The following CSMD1 variants were observed in gnomAD, a reference collection of about 807,000 sequenced individuals.
CSMD1 encodes the protein CUB and Sushi multiple domains 1, also known as CUB and sushi domain-containing protein 1.
A neutral mutation model predicts 417.5 loss-of-function variants in CSMD1; 213 were observed. That is an observed-to-expected ratio of 0.51 (90% CI 0.46 to 0.57). CSMD1 has a LOEUF of 0.57. Ranked by LOEUF, CSMD1 falls within the 20% of genes least tolerant of loss-of-function variation. CSMD1 has a pLI of 0.00. For synonymous variants in CSMD1, 2,862 were observed against 1,736.8 expected (o/e 1.65, Z -16.11); for missense variants, 6,923 against 4,529.7 (o/e 1.53, Z -15.17).
chr8:4,398,686 C>G (rs911322296), intron 3 of CSMD1, among the ~76,000 whole-genome samples: 1 of 152,132 alleles, frequency 6.6e-6, no homozygotes. Flanking sequence ...TGAGCCATCA[C>G]ACCCGGCCAC....
intron 8 of CSMD1, among the ~76,000 whole-genome samples, chr8:3,608,235 C>A (rs1370771413): frequency 6.6e-6 from 1 of 151,486 alleles, no homozygotes; most frequent in Non-Finnish European, 1.5e-5. Flanking sequence ...GCAGGTGCCA[C>A]CTGCAGAGGA....
chr8:3,882,254 A>C (rs369534150), intron 5 of CSMD1, among the ~76,000 whole-genome samples: 3 of 152,306 alleles, frequency 2.0e-5, no homozygotes, highest in African/African-American at 7.2e-5. Context: ...ACTGACACTT[A>C]TTAGAAAAAG....
chr8:3,101,434 T>A (rs74914363), intron 46 of CSMD1, among the ~76,000 whole-genome samples: 6,342 of 152,312 alleles, frequency 0.042, 155 homozygotes, highest in Admixed American at 0.072. Flanking sequence ...CTGACTACTT[T>A]TTTTTTGAGA....
intron 1 of CSMD1, among the ~76,000 whole-genome samples, chr8:4,923,549 C>A (rs561728072): frequency 6.6e-6 from 1 of 151,614 alleles, no homozygotes; most frequent in East Asian, 1.9e-4. Flanking sequence ...TACTATGTGC[C>A]CACATAACTT....
chr8:3,348,048 T>C lies in CSMD1; in HGVS notation c.3418A>G (p.Lys1140Glu). The C allele has an allele frequency of 6.2e-7, 1 of 1,611,130 alleles. No individual in the cohort carries two copies. The highest frequency in any genetic ancestry group is 8.5e-7 in the Non-Finnish European group (1 of 1,178,534). ...CIYKIETEAG[K>E]GIHLRTRSFQ... The stretch of plus-strand genomic sequence containing the variant: ...CTTCGTGTTCTAAGGTGGATGCCCT[T>C]GCCGGCTTCTGTTTCTATTTTATAG... Residue 1140 changes from lysine (K) to glutamate (E), a missense_variant, in exon 22 of 70, where the codon AAG becomes GAG. Transcript: ENST00000635120.
intron 3 of CSMD1, among the ~76,000 whole-genome samples, chr8:4,080,143 G>C (rs1051661032): frequency 6.6e-6 from 1 of 151,898 alleles, no homozygotes; most frequent in Non-Finnish European, 1.5e-5. Flanking sequence ...CACCTGCTCA[G>C]TTTGCAATTT....
intron 1 of CSMD1, among the ~76,000 whole-genome samples, chr8:4,770,321 T>C (rs999963028): frequency 6.7e-6 from 1 of 148,320 alleles, no homozygotes; most frequent in African/African-American, 2.4e-5. Flanking sequence ...AGCAACTATA[T>C]ATGTACATAG....
intron 7 of CSMD1, among the ~76,000 whole-genome samples, chr8:3,640,343 T>C (rs954336447): frequency 6.6e-6 from 1 of 152,212 alleles, no homozygotes; most frequent in Non-Finnish European, 1.5e-5. Context: ...TAATTAAATA[T>C]CCATTTGTAG....
intron 5 of CSMD1, among the ~76,000 whole-genome samples, chr8:3,930,790 G>A (rs1409430707): frequency 6.6e-6 from 1 of 150,460 alleles, no homozygotes; most frequent in Non-Finnish European, 1.5e-5. Flanking sequence ...TTTCTAACAT[G>A]TACAAGGGTC....
intron 6 of CSMD1, among the ~76,000 whole-genome samples, chr8:3,753,288 G>A (rs1295109989): frequency 2.6e-5 from 4 of 152,074 alleles, no homozygotes; most frequent in Non-Finnish European, 5.9e-5. Flanking sequence ...AAACTGAATA[G>A]TTTTTTGCTG....
chr8:3,646,511 G>C (rs988126981), intron 7 of CSMD1, among the ~76,000 whole-genome samples: 2 of 152,122 alleles, frequency 1.3e-5, no homozygotes, highest in Non-Finnish European at 1.5e-5. Context: ...AAATCTGGCG[G>C]TGTCATCTGT....
intron 3 of CSMD1, among the ~76,000 whole-genome samples, chr8:4,146,191 CA>C (rs1254841201): frequency 1.3e-5 from 2 of 150,664 alleles, no homozygotes; most frequent in East Asian, 1.9e-4. Context: ...AGTCGATTCT[CA>C]AAAAAAGGGT....
At chr8:3,290,153 T>A in intron 25 of CSMD1, among the ~76,000 whole-genome samples, 1 of 146,814 alleles carries the variant, frequency 6.8e-6, no homozygotes, top group East Asian at 2.0e-4. Context: ...GCAGCATTAT[T>A]TCTGAGGGCT....
intron 1 of CSMD1, among the ~76,000 whole-genome samples, chr8:4,766,886 T>G (rs1812502326): frequency 6.6e-6 from 1 of 152,206 alleles, no homozygotes; most frequent in Non-Finnish European, 1.5e-5. Context: ...AATCTTATGT[T>G]GATATTTTCC....
intron 2 of CSMD1, among the ~76,000 whole-genome samples, chr8:4,596,403 G>T (rs1043642724): frequency 6.6e-6 from 1 of 152,110 alleles, no homozygotes; most frequent in Non-Finnish European, 1.5e-5. Flanking sequence ...AATCGTCAAA[G>T]ACAATTTTCT....
chr8:3,244,340 C>T (rs367771990), intron 26 of CSMD1, among the ~76,000 whole-genome samples: 2 of 152,130 alleles, frequency 1.3e-5, no homozygotes, highest in Non-Finnish European at 2.9e-5. Context: ...GCAGTCACTC[C>T]GGAGGTCCTC....
intron 1 of CSMD1, among the ~76,000 whole-genome samples, chr8:4,752,326 A>G (rs560117991): frequency 6.6e-6 from 1 of 152,266 alleles, no homozygotes; most frequent in East Asian, 1.9e-4. Context: ...AAATTGCTTT[A>G]TGTATTTCTC....
chr8:4,189,998 C>T (rs893353809), intron 3 of CSMD1, among the ~76,000 whole-genome samples: 14 of 151,612 alleles, frequency 9.2e-5, no homozygotes, highest in African/African-American at 3.2e-4. Flanking sequence ...GTGGCTCACG[C>T]CTGAAATCCC....
intron 68 of CSMD1, among the ~76,000 whole-genome samples, chr8:2,943,254 G>A (rs1488069899): frequency 1.3e-5 from 2 of 148,926 alleles, no homozygotes; most frequent in African/African-American, 2.5e-5. Context: ...CTGAGACAGA[G>A]TCTCACCCTG....
Sources: gnomAD v4.1 joint callset for allele counts (sites outside exome capture counted in the v4.1 genomes callset) on GRCh38, gnomAD v4.1.1 for gene constraint, MANE v1.5 for transcripts, NCBI Gene and HGNC (gene_info 2026-07-23, HGNC 2026-07-21) for gene names.